Variants in PTPRR observed in about 807,000 individuals in gnomAD.
PTPRR encodes the protein receptor-type tyrosine-protein phosphatase R.
PTPRR carries 38 observed loss-of-function variants against 77.2 expected under a neutral mutation model. That is an observed-to-expected ratio of 0.49 (90% confidence interval 0.38 to 0.65). PTPRR has a LOEUF of 0.65. Among genes scored for constraint, PTPRR ranks in the 30% least tolerant of loss-of-function variants. PTPRR has a pLI of 0.00. For synonymous variants in PTPRR, 299 were observed against 283.1 expected (o/e 1.06, Z -0.57); for missense variants, 744 against 799.2 (o/e 0.93, Z 0.83).
rs531267080 is a variant in PTPRR, at chr12:70,735,809, A to C, written c.1007+10009T>G. On this transcript the variant is annotated intron_variant, in intron 6 of 13. Coordinates refer to ENST00000283228, the MANE Select transcript of PTPRR (RefSeq NM_002849.4). ...ACTGCCTGCCTCCAGGATGTTGTGA[A>C]GGTTGTCTGAGATCATACATAAGCA... 2.6e-5 allele frequency among the ~76,000 whole-genome samples: 4 copies of C among 152,296 alleles called. No homozygotes were observed. In the East Asian group the frequency reaches 7.7e-4, roughly 29 times the overall value.
At chr12:70,704,305 C>T (rs538771967) in intron 6 of PTPRR, among the ~76,000 whole-genome samples, 1 of 152,058 alleles carries the variant, frequency 6.6e-6, no homozygotes, top group South Asian at 2.1e-4. Context: ...GTAGTCTCAG[C>T]TATTCGGGAG....
intron 10 of PTPRR, among the ~76,000 whole-genome samples, chr12:70,671,091 G>C (rs1176671285): frequency 6.6e-6 from 1 of 152,150 alleles, no homozygotes; most frequent in Middle Eastern, 3.2e-3. Flanking sequence ...TTTTTTGGAG[G>C]AAATGATTTT....
chr12:70,672,667 C>A, intron 10 of PTPRR: 1 of 1,546,282 alleles, frequency 6.5e-7, no homozygotes, highest in Non-Finnish European at 8.8e-7. Context: ...CAACACCAAC[C>A]AGATGGTGGT....
intron 2 of PTPRR, among the ~76,000 whole-genome samples, chr12:70,882,807 G>A (rs1344414875): frequency 2.0e-5 from 3 of 152,220 alleles, no homozygotes; most frequent in East Asian, 1.9e-4. Flanking sequence ...TTATATTAAC[G>A]AGTTACTTTG....
intron 2 of PTPRR, among the ~76,000 whole-genome samples, chr12:70,806,783 C>G (rs1298709454): frequency 6.6e-6 from 1 of 152,166 alleles, no homozygotes; most frequent in African/African-American, 2.4e-5. Context: ...AACCTAAGTG[C>G]TACTTCCATG....
At chr12:70,821,083 T>C (rs1271386716) in intron 2 of PTPRR, among the ~76,000 whole-genome samples, 1 of 152,056 alleles carries the variant, frequency 6.6e-6, no homozygotes, top group Non-Finnish European at 1.5e-5. Context: ...AAAAGATTAA[T>C]GAAGAAAAAA....
intron 6 of PTPRR, among the ~76,000 whole-genome samples, chr12:70,744,684 A>G (rs1339183289): frequency 6.6e-6 from 1 of 152,230 alleles, no homozygotes; most frequent in African/African-American, 2.4e-5. Context: ...ATCATGGGAA[A>G]TATATTCAAA....
At chr12:70,766,291 A>T (rs1273456692) in intron 2 of PTPRR, among the ~76,000 whole-genome samples, 3 of 152,232 alleles carry the variant, frequency 2.0e-5, no homozygotes, top group African/African-American at 7.2e-5. Context: ...ATGTATAACT[A>T]GAATAACCAA....
Position 70,745,949 on chromosome 12 carries a change from A to G in PTPRR, c.876T>C (p.Pro292=), listed in dbSNP as rs1402504453. The change falls in exon 6 of 14, where the codon CCT becomes CCC. Residue 292 remains proline, a synonymous_variant. Coordinates refer to ENST00000283228, the MANE Select transcript of PTPRR (RefSeq NM_002849.4). ...EAKTVHSMVQ[P]EQAPKVLNVV... ...CATTCAGTACCTTTGGGGCCTGCTC[A>G]GGTTGGACCATGCTGTGGACTGTCT... is the stretch of plus-strand genomic sequence containing the variant. The G allele has an allele frequency of 2.5e-6, 4 of 1,614,122 alleles. No individual in the cohort carries two copies. In the Middle Eastern group the frequency reaches 4.9e-4, roughly 200 times the overall value.
chr12:70,722,590 T>C (rs1259110657), intron 6 of PTPRR, among the ~76,000 whole-genome samples: 2 of 152,168 alleles, frequency 1.3e-5, no homozygotes, highest in African/African-American at 4.8e-5. Context: ...TTAGCTTTTA[T>C]TTATGAGTTA....
At chr12:70,766,146 G>A (rs574456734) in intron 2 of PTPRR, among the ~76,000 whole-genome samples, 2 of 152,312 alleles carry the variant, frequency 1.3e-5, no homozygotes, top group East Asian at 1.9e-4. Context: ...CACCAGCAAC[G>A]GAACAAAGCT....
chr12:70,854,829 G>T (rs1408365279), intron 2 of PTPRR, among the ~76,000 whole-genome samples: 1 of 152,212 alleles, frequency 6.6e-6, no homozygotes, highest in Non-Finnish European at 1.5e-5. Context: ...AGCGTTTGTT[G>T]TGAGGGTTAA....
chr12:70,806,023 T>C (rs2137025442), intron 2 of PTPRR, among the ~76,000 whole-genome samples: 1 of 152,340 alleles, frequency 6.6e-6, no homozygotes, highest in Non-Finnish European at 1.5e-5. Flanking sequence ...TAAGTTCTGA[T>C]GTGGTCTGCC....
chr12:70,775,990 A>ATTAATTATTTTTATTTCTATAT (rs1565692765), intron 2 of PTPRR, among the ~76,000 whole-genome samples: 5 of 151,994 alleles, frequency 3.3e-5, no homozygotes. Context: ...TTAGTTACAG[A>ATTAATTATTTTTATTTCTATAT]TTAATTATTT....
intron 6 of PTPRR, among the ~76,000 whole-genome samples, chr12:70,745,217 AC>A (rs1316878687): frequency 1.3e-5 from 2 of 152,046 alleles, no homozygotes; most frequent in East Asian, 3.9e-4. Context: ...GGCATGCGCC[AC>A]CTCACCTGGC....
At chr12:70,747,511 C>T (rs910751845) in intron 5 of PTPRR, among the ~76,000 whole-genome samples, 10 of 152,098 alleles carry the variant, frequency 6.6e-5, no homozygotes, top group African/African-American at 9.7e-5. Context: ...GAATCAACAA[C>T]GAAAATGGGA....
chr12:70,695,846 A>G (rs2136767284), intron 8 of PTPRR, among the ~76,000 whole-genome samples: 1 of 152,304 alleles, frequency 6.6e-6, no homozygotes, highest in African/African-American at 2.4e-5. Flanking sequence ...ACTCTACCTT[A>G]GGTAAATAAA....
intron 2 of PTPRR, among the ~76,000 whole-genome samples, chr12:70,816,026 G>A (rs770832161): frequency 4.6e-5 from 7 of 152,054 alleles, no homozygotes; most frequent in South Asian, 2.1e-4. Flanking sequence ...AGTTATCTAC[G>A]TCTTCTTAAT....
At chr12:70,713,563 G>A (rs1290950494) in intron 6 of PTPRR, among the ~76,000 whole-genome samples, 1 of 58,034 alleles carries the variant, frequency 1.7e-5, no homozygotes, top group African/African-American at 4.0e-5. Flanking sequence ...ACTTGCTGCT[G>A]CCTTTTTTTT....
Sources: allele counts gnomAD v4.1 joint callset (sites outside exome capture counted in the v4.1 genomes callset), GRCh38; gene constraint gnomAD v4.1.1; transcripts MANE v1.5; gene names NCBI Gene and HGNC (gene_info 2026-07-23, HGNC 2026-07-21).